The following PPP1R13B variants were observed in gnomAD, a reference collection of about 807,000 sequenced individuals.
PPP1R13B encodes apoptosis-stimulating of p53 protein 1.
In PPP1R13B, 44 loss-of-function variants were observed where a neutral mutation model predicts 119.8. The ratio of observed to expected loss-of-function variants is 0.37; its 90% confidence interval spans 0.29 to 0.47. The LOEUF is 0.47. PPP1R13B is among the 20% of genes least tolerant of loss of function. The probability of loss-of-function intolerance (pLI) is 0.99; values close to 1 mark genes in which losing one functional copy is unlikely to be tolerated. For missense variants in PPP1R13B, 1,227 were observed against 1,413.5 expected, an observed-to-expected ratio of 0.87 and a Z score of 2.12; for synonymous variants, 542 against 561.5, an observed-to-expected ratio of 0.97 and a Z score of 0.49.
At chr14:103,785,766 C>T (rs1158488849) in intron 2 of PPP1R13B, among the ~76,000 whole-genome samples, 8 of 152,070 alleles carry the variant, frequency 5.3e-5, no homozygotes, top group African/African-American at 1.9e-4. Flanking sequence ...GTGATCCACC[C>T]GCCTTGGCCT....
In PPP1R13B at chr14:103,734,926, A is replaced by T; in HGVS notation, c.*228T>A. The T allele has an allele frequency of 1.5e-6, 1 of 672,406 alleles. No homozygotes were observed. The highest frequency in any genetic ancestry group is 2.7e-6 in the Non-Finnish European group (1 of 367,160). 41.7% of individuals were successfully genotyped at this position (672,406 alleles called of 1,614,324 possible). ...GTGGGTATTTATTTGGATTTATAGT[A>T]ATTGGCAAAATTCAGTCCTTGGAGG... On this transcript the variant is annotated 3_prime_UTR_variant, in exon 17 of 17. Coordinates refer to ENST00000202556, the MANE Select transcript of PPP1R13B (RefSeq NM_015316.3).
At chr14:103,745,917 C>A (rs934684228) in intron 9 of PPP1R13B, among the ~76,000 whole-genome samples, 4 of 152,068 alleles carry the variant, frequency 2.6e-5, no homozygotes, top group African/African-American at 9.7e-5. Context: ...GTGATTCTCC[C>A]GCTTCAGCCT....
chr14:103,737,473 G>A (rs1458554801), intron 15 of PPP1R13B: 13 of 469,924 alleles, frequency 2.8e-5, no homozygotes, highest in Non-Finnish European at 3.7e-5. Context: ...CTACTTGGGA[G>A]GCTGAAGTGG....
At chr14:103,819,516 CA>C (rs11390506) in intron 1 of PPP1R13B, among the ~76,000 whole-genome samples, 2 of 137,976 alleles carry the variant, frequency 1.4e-5, no homozygotes, top group African/African-American at 2.8e-5. Context: ...AACAAACAAA[CA>C]AAAAAAAACA....
chr14:103,787,722 G>A (rs1441554551), intron 2 of PPP1R13B, among the ~76,000 whole-genome samples: 8 of 148,370 alleles, frequency 5.4e-5, no homozygotes, highest in Admixed American at 2.7e-4. Context: ...GCGCAATCTC[G>A]GCTCACTGCA....
intron 1 of PPP1R13B, chr14:103,804,113 T>G (rs1353545095): frequency 1.1e-6 from 1 of 946,450 alleles, no homozygotes; most frequent in Non-Finnish European, 1.3e-6. Context: ...TCAAAAAAGT[T>G]GGAAAATATC....
chr14:103,785,296 C>T (rs896444352), intron 2 of PPP1R13B, among the ~76,000 whole-genome samples: 20 of 152,130 alleles, frequency 1.3e-4, no homozygotes, highest in African/African-American at 3.9e-4. Flanking sequence ...CTTGGCTCAC[C>T]GCAACCTCCG....
In PPP1R13B at chr14:103,762,006, C is replaced by T. The variant is rs556010349; in HGVS notation, c.355-4255G>A. The stretch of plus-strand genomic sequence containing the variant: ...CTCAGAGGCAGGGGAGCATCTTCGA[C>T]GCCTGTTTTGTTGTGCACATGTGCT... On this transcript the variant is annotated intron_variant, in intron 4 of 16. Transcript: ENST00000202556. 1.5e-3 allele frequency among the ~76,000 whole-genome samples: 222 copies of T among 152,286 alleles called. 2 individuals carry two copies. Among genetic ancestry groups the T allele is most frequent in the African/African-American group, 4.8e-3 (198 of 41,570 alleles).
At chr14:103,771,668 A>G (rs2152005471) in intron 4 of PPP1R13B, among the ~76,000 whole-genome samples, 1 of 151,974 alleles carries the variant, frequency 6.6e-6, no homozygotes, top group South Asian at 2.1e-4. Flanking sequence ...TTTAGTAGAG[A>G]TGGGGTTTCA....
At chr14:103,821,006 A>C (rs1357119490) in intron 1 of PPP1R13B, among the ~76,000 whole-genome samples, 1 of 152,172 alleles carries the variant, frequency 6.6e-6, no homozygotes, top group Non-Finnish European at 1.5e-5. Context: ...GGTTATGTTG[A>C]GATTTCAAGC....
chr14:103,774,571 C>G (rs554495814), intron 4 of PPP1R13B, among the ~76,000 whole-genome samples: 1 of 152,256 alleles, frequency 6.6e-6, no homozygotes, highest in East Asian at 1.9e-4. Flanking sequence ...CAGAACTTCC[C>G]CGGCTTCTTA....
In PPP1R13B at chr14:103,738,482, T is replaced by A; in HGVS notation, c.2864+197A>T. ...AAGAGCATAACCACAGCCACGTTTTTAACAAAATCATCAAGAGAAAAGGCT... is the reference window on the plus strand; with the variant it reads ...AAGAGCATAACCACAGCCACGTTTTAAACAAAATCATCAAGAGAAAAGGCT... On this transcript the variant is annotated intron_variant, in intron 14 of 16. Coordinates refer to ENST00000202556, the MANE Select transcript of PPP1R13B (RefSeq NM_015316.3). The surrounding 1 kb of genome is among the most constrained non-coding windows in gnomAD (Gnocchi z 5.6). 1.2e-6 allele frequency: 1 copy of A among 814,994 alleles called. No homozygotes were observed. Among genetic ancestry groups the A allele is most frequent in the East Asian group, 2.7e-5 (1 of 36,422 alleles). The allele number at this position is 814,994 out of a possible 1,614,324, so 50.5% of individuals were successfully genotyped here. A position where few individuals can be genotyped will look rare whatever the true frequency, so the allele number is the denominator to read the frequency against.
chr14:103,743,965 G>A (rs917926575), intron 9 of PPP1R13B: 2 of 152,218 alleles, frequency 1.3e-5, no homozygotes, highest in Admixed American at 6.5e-5. Flanking sequence ...TCCAGGCAGC[G>A]GCTTCTGAGA....
chr14:103,768,873 G>A (rs1396695482), intron 4 of PPP1R13B, among the ~76,000 whole-genome samples: 1 of 151,982 alleles, frequency 6.6e-6, no homozygotes, highest in African/African-American at 2.4e-5. Flanking sequence ...CCAGCTCTCA[G>A]TATCTCTTTA....
intron 1 of PPP1R13B, among the ~76,000 whole-genome samples, chr14:103,824,881 TTTG>T (rs1450316666): frequency 6.6e-6 from 1 of 152,206 alleles, no homozygotes; most frequent in Non-Finnish European, 1.5e-5. Flanking sequence ...CACAAATATA[TTTG>T]TTGAAAGTAC....
At chr14:103,760,698 T>C (rs1019822041) in intron 4 of PPP1R13B, among the ~76,000 whole-genome samples, 1 of 152,186 alleles carries the variant, frequency 6.6e-6, no homozygotes, top group East Asian at 1.9e-4. Context: ...GAACACTGTT[T>C]CTGCTACTCA....
At chr14:103,820,877 A>G (rs1384002262) in intron 1 of PPP1R13B, among the ~76,000 whole-genome samples, 1 of 151,972 alleles carries the variant, frequency 6.6e-6, no homozygotes, top group African/African-American at 2.4e-5. Flanking sequence ...ATTTTTTTCT[A>G]TAGTCACTAA....
intron 5 of PPP1R13B, among the ~76,000 whole-genome samples, chr14:103,755,840 A>G (rs2084664511): frequency 6.6e-6 from 1 of 152,236 alleles, no homozygotes; most frequent in Admixed American, 6.5e-5. Context: ...GTACTTTCCA[A>G]TTGAACTTAA....
chr14:103,834,382 T>C (rs2086727184), intron 1 of PPP1R13B, among the ~76,000 whole-genome samples: 1 of 151,694 alleles, frequency 6.6e-6, no homozygotes, highest in South Asian at 2.1e-4. Flanking sequence ...TCTCAAAAAC[T>C]AGTAAGTACT....
Sources: gnomAD v4.1 joint callset for allele counts (sites outside exome capture counted in the v4.1 genomes callset) on GRCh38, gnomAD v4.1.1 for gene constraint, Gnocchi (gnomAD v3.1) non-coding constraint, MANE v1.5 for transcripts, NCBI Gene and HGNC (gene_info 2026-07-23, HGNC 2026-07-21) for gene names.